Variants in CACNG3 observed in about 807,000 individuals in gnomAD.
CACNG3 encodes the protein voltage-dependent calcium channel gamma-3 subunit.
Under a neutral mutation model 28.5 loss-of-function variants are expected in CACNG3, and 3 were observed. The observed-to-expected ratio is 0.11, with a 90% CI of 0.05 to 0.27. The LOEUF is 0.27. CACNG3 is among the 10% of genes least tolerant of loss of function. The pLI, the probability that CACNG3 is intolerant of heterozygous loss-of-function variation, is 1.00. For synonymous variants in CACNG3, 174 were observed against 162.2 expected (o/e 1.07, Z -0.55); for missense variants, 236 against 414.4 (o/e 0.57, Z 3.74).
chr16:24,298,842 A>C (rs967950487), intron 1 of CACNG3, among the ~76,000 whole-genome samples: 1 of 152,164 alleles, frequency 6.6e-6, no homozygotes, highest in Non-Finnish European at 1.5e-5. Flanking sequence ...ATTCTGTGGA[A>C]TATCCCTCAA....
intron 1 of CACNG3, among the ~76,000 whole-genome samples, chr16:24,340,384 C>A (rs367625344): frequency 6.6e-6 from 1 of 152,074 alleles, no homozygotes; most frequent in Non-Finnish European, 1.5e-5. Context: ...GGCAACAGAG[C>A]GAGACCCCGT....
chr16:24,341,134 C>T (rs1006244373), intron 1 of CACNG3, among the ~76,000 whole-genome samples: 3 of 152,174 alleles, frequency 2.0e-5, no homozygotes, highest in Non-Finnish European at 4.4e-5. Context: ...AAGAACAGCA[C>T]GATCCCAGTT....
intron 3 of CACNG3, among the ~76,000 whole-genome samples, chr16:24,356,641 G>T (rs1203684382): frequency 6.6e-6 from 1 of 152,136 alleles, no homozygotes; most frequent in Non-Finnish European, 1.5e-5. Flanking sequence ...GGTCAAGGCT[G>T]CAGTCAGTCA....
chr16:24,343,579 A>G (rs758262241), intron 1 of CACNG3, among the ~76,000 whole-genome samples: 7 of 152,110 alleles, frequency 4.6e-5, no homozygotes, highest in Non-Finnish European at 5.9e-5. Context: ...GCCAACATCA[A>G]TAGTAGGGGG....
intron 1 of CACNG3, among the ~76,000 whole-genome samples, chr16:24,315,172 G>A (rs1419496128): frequency 6.6e-6 from 1 of 152,094 alleles, no homozygotes; most frequent in Non-Finnish European, 1.5e-5. Context: ...AAATCAACAA[G>A]TATTCACTGT....
At chr16:24,308,220 C>T (rs1899211918) in intron 1 of CACNG3, among the ~76,000 whole-genome samples, 1 of 152,070 alleles carries the variant, frequency 6.6e-6, no homozygotes, top group South Asian at 2.1e-4. Context: ...GTGGAATGAC[C>T]GCACTTGGTG....
At chr16:24,294,626 C>T (rs1899006360) in intron 1 of CACNG3, among the ~76,000 whole-genome samples, 1 of 152,164 alleles carries the variant, frequency 6.6e-6, no homozygotes, top group Admixed American at 6.5e-5. Context: ...GTCTCAAACT[C>T]CCGGCCTCAA....
intron 1 of CACNG3, among the ~76,000 whole-genome samples, chr16:24,314,773 A>ATCCT (rs1899325401): frequency 6.5e-5 from 5 of 77,022 alleles, no homozygotes; most frequent in Non-Finnish European, 9.3e-5. Flanking sequence ...TCCTCCTCCA[A>ATCCT]CCTCCACCTA....
intron 1 of CACNG3, among the ~76,000 whole-genome samples, chr16:24,299,945 C>T (rs1899083731): frequency 6.6e-6 from 1 of 152,092 alleles, no homozygotes; most frequent in African/African-American, 2.4e-5. Flanking sequence ...CACGCACACA[C>T]ACACACACAC....
intron 3 of CACNG3, among the ~76,000 whole-genome samples, chr16:24,360,326 G>A (rs560886729): frequency 6.6e-6 from 1 of 152,278 alleles, no homozygotes; most frequent in South Asian, 2.1e-4. Context: ...CAAACCTCCT[G>A]CTCCTACTGA....
At position 24,256,694 on chromosome 16, in the gene CACNG3, T is replaced by A. The variant is rs1898464264; in HGVS notation, c.-61T>A. On this transcript the variant is annotated 5_prime_UTR_variant, in exon 1 of 4. Coordinates refer to ENST00000005284, the MANE Select transcript of CACNG3 (RefSeq NM_006539.4). This position sits in a 1 kb window ranked among gnomAD's most constrained non-coding sequence, Gnocchi z 4.6. ...AGGTTACCCGGCTGCAGAGTGATTT[T>A]CCCCTCCGGCACTGACTCTCCCCCT... is the stretch of plus-strand genomic sequence containing the variant. 1.8e-6 allele frequency: 2 copies of A among 1,132,676 alleles called. No homozygotes were observed. Among genetic ancestry groups the A allele is most frequent in the Non-Finnish European group, 2.7e-6 (2 of 742,938 alleles). The allele number at this position is 1,132,676 out of a possible 1,614,324, so 70.2% of individuals were successfully genotyped here. A position where few individuals can be genotyped will look rare whatever the true frequency, so the allele number is the denominator to read the frequency against.
chr16:24,347,962 A>G (rs1899891224), intron 2 of CACNG3, among the ~76,000 whole-genome samples: 1 of 152,224 alleles, frequency 6.6e-6, no homozygotes, highest in Non-Finnish European at 1.5e-5. Context: ...AGGAGGCAAT[A>G]TGCATTAGCT....
chr16:24,346,311 C>T (rs1899866027), intron 1 of CACNG3, among the ~76,000 whole-genome samples: 1 of 152,156 alleles, frequency 6.6e-6, no homozygotes, highest in African/African-American at 2.4e-5. Flanking sequence ...TTGGCTCATG[C>T]CTGTAATCCT....
intron 1 of CACNG3, among the ~76,000 whole-genome samples, chr16:24,299,477 A>C (rs1899077373): frequency 6.6e-6 from 1 of 152,156 alleles, no homozygotes; most frequent in Non-Finnish European, 1.5e-5. Flanking sequence ...CCATTTCTGC[A>C]AGGGTCCTTG....
chr16:24,330,483 G>A (rs1187439900), intron 1 of CACNG3, among the ~76,000 whole-genome samples: 6 of 152,190 alleles, frequency 3.9e-5, no homozygotes, highest in Non-Finnish European at 8.8e-5. Flanking sequence ...ACAGAGGCTG[G>A]AGCACCTCCT....
At chr16:24,257,708 C>T (rs1898487049) in intron 1 of CACNG3, among the ~76,000 whole-genome samples, 1 of 152,172 alleles carries the variant, frequency 6.6e-6, no homozygotes, top group African/African-American at 2.4e-5. Flanking sequence ...TCCCAAACCC[C>T]TAAAAAGGTA....
chr16:24,346,933 A>C, intron 2 of CACNG3, 116 bp downstream of exon 2: 1 of 758,912 alleles, frequency 1.3e-6, no homozygotes, highest in East Asian at 2.6e-5. Flanking sequence ...AGATAAGTGC[A>C]AAGAAGCCCC....
At chr16:24,308,769 G>A (rs1173167077) in intron 1 of CACNG3, among the ~76,000 whole-genome samples, 1 of 134,324 alleles carries the variant, frequency 7.4e-6, no homozygotes, top group Non-Finnish European at 1.5e-5. Context: ...GAGCCCAGGA[G>A]TTCAAAGCTG....
At chr16:24,360,031 C>T (rs1046214523) in intron 3 of CACNG3, among the ~76,000 whole-genome samples, 11 of 152,218 alleles carry the variant, frequency 7.2e-5, no homozygotes, top group South Asian at 4.1e-4. Flanking sequence ...ACAAAGAGTA[C>T]GGAACATTCA....
Sources: allele counts gnomAD v4.1 joint callset (sites outside exome capture counted in the v4.1 genomes callset), GRCh38; gene constraint gnomAD v4.1.1; non-coding constraint Gnocchi (gnomAD v3.1); transcripts MANE v1.5; gene names NCBI Gene and HGNC (gene_info 2026-07-23, HGNC 2026-07-21).